Variants in PIBF1 observed in about 807,000 individuals in gnomAD.
PIBF1 encodes progesterone-induced-blocking factor 1.
PIBF1 carries 90 observed loss-of-function variants against 112.5 expected under a neutral mutation model. The observed-to-expected ratio is 0.80, with a 90% CI of 0.67 to 0.95. PIBF1 has a LOEUF of 0.95. Among genes scored for constraint, PIBF1 ranks in the 40% least tolerant of loss-of-function variants. PIBF1 has a pLI of 0.00. For synonymous variants in PIBF1, 301 were observed against 288.6 expected (o/e 1.04, Z -0.44); for missense variants, 915 against 852.3 (o/e 1.07, Z -0.92).
chr13:72,883,905 C>T (rs1033877311), intron 10 of PIBF1, among the ~76,000 whole-genome samples: 4 of 152,148 alleles, frequency 2.6e-5, no homozygotes, highest in African/African-American at 4.8e-5. Context: ...CATTGCAAAA[C>T]CCCGTCTCTA....
chr13:72,805,395 A>G (rs4885045), intron 5 of PIBF1, among the ~76,000 whole-genome samples: 113,211 of 152,012 alleles, frequency 0.74, 42,516 homozygotes, highest in African/African-American at 0.82. Context: ...GCCCGCCTTG[A>G]CCTCCCAAAG....
At chr13:73,008,410 T>C (rs1357330112) in intron 17 of PIBF1, among the ~76,000 whole-genome samples, 3 of 152,220 alleles carry the variant, frequency 2.0e-5, no homozygotes, top group Non-Finnish European at 4.4e-5. Context: ...TTCTCTTTTG[T>C]CTTGCATAGT....
At chr13:72,983,753 T>C (rs2043209324) in intron 16 of PIBF1, among the ~76,000 whole-genome samples, 1 of 152,200 alleles carries the variant, frequency 6.6e-6, no homozygotes, top group African/African-American at 2.4e-5. Flanking sequence ...TTTATGTGTG[T>C]CACTCTTTCG....
At chr13:72,819,017 G>A (rs2036423560) in intron 5 of PIBF1, among the ~76,000 whole-genome samples, 2 of 152,170 alleles carry the variant, frequency 1.3e-5, no homozygotes, top group South Asian at 2.1e-4. Flanking sequence ...GAAATCTTCA[G>A]ATGAGAACTC....
intron 7 of PIBF1, 83 bp downstream of exon 7, chr13:72,827,201 C>G (rs2036853259): frequency 2.5e-6 from 1 of 395,142 alleles, no homozygotes; most frequent in Non-Finnish European, 4.4e-6. Flanking sequence ...GAAGGAGAGA[C>G]ATTTTTTTTG....
intron 1 of PIBF1, among the ~76,000 whole-genome samples, chr13:72,782,625 T>C (rs1336034769): frequency 1.3e-5 from 2 of 152,236 alleles, no homozygotes; most frequent in Non-Finnish European, 2.9e-5. Flanking sequence ...TTTAATAGCA[T>C]AATTTGTTAT....
At chr13:72,801,976 T>C (rs763101266) in intron 5 of PIBF1, among the ~76,000 whole-genome samples, 1 of 149,564 alleles carries the variant, frequency 6.7e-6, no homozygotes, top group Non-Finnish European at 1.5e-5. Flanking sequence ...TACAGTACAG[T>C]TATGTAAATG....
chr13:72,979,361 A>G (rs1594307669), intron 16 of PIBF1, among the ~76,000 whole-genome samples: 2 of 152,176 alleles, frequency 1.3e-5, no homozygotes, highest in Non-Finnish European at 2.9e-5. Flanking sequence ...TTTTCTTTGT[A>G]TATATTTTAT....
intron 12 of PIBF1, among the ~76,000 whole-genome samples, chr13:72,915,894 G>T (rs978357370): frequency 6.6e-6 from 1 of 152,168 alleles, no homozygotes; most frequent in African/African-American, 2.4e-5. Flanking sequence ...GAAACATCAT[G>T]ATGGTTGTAA....
chr13:72,983,314 T>G (rs369956798), intron 16 of PIBF1, among the ~76,000 whole-genome samples: 1 of 151,980 alleles, frequency 6.6e-6, no homozygotes, highest in Non-Finnish European at 1.5e-5. Flanking sequence ...AAAAGAAAAA[T>G]TTGTTTCTGA....
intron 14 of PIBF1, among the ~76,000 whole-genome samples, chr13:72,960,772 A>G (rs1040605181): frequency 6.6e-6 from 1 of 152,216 alleles, no homozygotes; most frequent in African/African-American, 2.4e-5. Flanking sequence ...CAAACTGGTT[A>G]TACAGGTTAG....
chr13:72,869,858 A>T (rs1316963381), intron 10 of PIBF1, among the ~76,000 whole-genome samples: 1 of 152,044 alleles, frequency 6.6e-6, no homozygotes, highest in African/African-American at 2.4e-5. Context: ...CCACTAGAGC[A>T]GTATTGACTT....
At chr13:73,015,158 T>G (rs1218141629) in intron 17 of PIBF1, among the ~76,000 whole-genome samples, 1 of 152,094 alleles carries the variant, frequency 6.6e-6, no homozygotes, top group East Asian at 1.9e-4. Flanking sequence ...CCTGGCTAAC[T>G]TGTTTTTTCT....
intron 10 of PIBF1, among the ~76,000 whole-genome samples, chr13:72,886,787 C>CT (rs2039875651): frequency 6.6e-6 from 1 of 152,042 alleles, no homozygotes; most frequent in Admixed American, 6.6e-5. Context: ...TAAGAATTAG[C>CT]TTGTAAGCCA....
intron 5 of PIBF1, among the ~76,000 whole-genome samples, chr13:72,801,527 G>A (rs186236566): frequency 1.3e-4 from 20 of 152,166 alleles, no homozygotes; most frequent in Non-Finnish European, 2.8e-4. Flanking sequence ...TTTCAGTAGA[G>A]AGAAATGTAA....
chr13:72,913,232 T>C (rs1168762700), intron 12 of PIBF1, among the ~76,000 whole-genome samples: 2 of 152,164 alleles, frequency 1.3e-5, no homozygotes, highest in East Asian at 3.8e-4. Flanking sequence ...TCAAAACTTT[T>C]ACATTTCAAA....
At chr13:72,924,886 G>A (rs2041428139) in intron 13 of PIBF1, among the ~76,000 whole-genome samples, 3 of 152,168 alleles carry the variant, frequency 2.0e-5, no homozygotes, top group African/African-American at 7.2e-5. Context: ...GTTGGGTTAG[G>A]CTATGTCAGT....
At chr13:72,920,856 C>T (rs1298972822) in intron 13 of PIBF1, among the ~76,000 whole-genome samples, 1 of 152,030 alleles carries the variant, frequency 6.6e-6, no homozygotes, top group African/African-American at 2.4e-5. Flanking sequence ...GATAAAACAA[C>T]TCAGTCAAAA....
Position 72,986,847 on chromosome 13 carries a change from C to T in PIBF1, c.2050-11975C>T, listed in dbSNP as rs371070950. On this transcript the variant is annotated intron_variant, in intron 16 of 17. Transcript: ENST00000326291. Reference sequence around the variant, plus strand: ...CTGGGACTACAGGCGCCCGCCACCGCGCCCGGCTAATTTTTTTGTATTTTT... The same window carrying T: ...CTGGGACTACAGGCGCCCGCCACCGTGCCCGGCTAATTTTTTTGTATTTTT... Among the ~76,000 whole-genome samples, 1,281 of 152,172 alleles carry T rather than the reference C, an allele frequency of 8.4e-3. 15 individuals carry two copies. Among genetic ancestry groups the T allele is most frequent in the East Asian group, 0.06 (309 of 5,166 alleles).
Sources: gnomAD v4.1 joint callset for allele counts (sites outside exome capture counted in the v4.1 genomes callset) on GRCh38, gnomAD v4.1.1 for gene constraint, MANE v1.5 for transcripts, NCBI Gene and HGNC (gene_info 2026-07-23, HGNC 2026-07-21) for gene names.